Variants in SLC2A13 observed in about 807,000 individuals in gnomAD.
SLC2A13 encodes the protein proton myo-inositol cotransporter.
Under a neutral mutation model 64.4 loss-of-function variants are expected in SLC2A13, and 32 were observed. The observed-to-expected ratio is 0.50, with a 90% CI of 0.37 to 0.67. SLC2A13 has a LOEUF of 0.67. Among genes scored for constraint, SLC2A13 ranks in the 30% least tolerant of loss-of-function variants. The probability of loss-of-function intolerance (pLI) is 0.00; values close to 1 mark genes in which losing one functional copy is unlikely to be tolerated. For missense variants in SLC2A13, 743 were observed against 829.2 expected, an observed-to-expected ratio of 0.90 and a Z score of 1.28; for synonymous variants, 338 against 327.1, an observed-to-expected ratio of 1.03 and a Z score of -0.36.
intron 6 of SLC2A13, among the ~76,000 whole-genome samples, 180 bp downstream of exon 6, chr12:39,864,582 G>A (rs539275578): frequency 2.0e-5 from 3 of 152,180 alleles, no homozygotes; most frequent in Admixed American, 6.5e-5. Flanking sequence ...TCACACATCT[G>A]CACAAGCTAT....
intron 4 of SLC2A13, among the ~76,000 whole-genome samples, chr12:39,944,648 A>G (rs1286814068): frequency 2.0e-5 from 3 of 152,222 alleles, no homozygotes; most frequent in African/African-American, 7.2e-5. Context: ...TTTGTCTGAT[A>G]TAAGAATAGC....
At chr12:39,907,762 A>T (rs1396360843) in intron 4 of SLC2A13, 1 of 152,190 alleles carries the variant, frequency 6.6e-6, no homozygotes, top group Non-Finnish European at 1.5e-5. Context: ...TGGATTGGAC[A>T]CATGTCTTGG....
intron 4 of SLC2A13, among the ~76,000 whole-genome samples, chr12:39,929,709 G>C (rs533950527): frequency 3.9e-5 from 6 of 152,316 alleles, no homozygotes; most frequent in Non-Finnish European, 7.4e-5. Flanking sequence ...AAGAAGAGCA[G>C]AATCACAGGA....
chr12:40,099,367 T>C (rs1482348122), intron 1 of SLC2A13, among the ~76,000 whole-genome samples: 1 of 152,236 alleles, frequency 6.6e-6, no homozygotes, highest in Non-Finnish European at 1.5e-5. Flanking sequence ...AGGAGCCAAG[T>C]ACAATATGAG....
intron 1 of SLC2A13, among the ~76,000 whole-genome samples, chr12:40,100,597 A>T (rs1939111007): frequency 6.6e-6 from 1 of 152,148 alleles, no homozygotes; most frequent in African/African-American, 2.4e-5. Context: ...ACACTTCAAA[A>T]CCTTGATTAT....
chr12:39,999,474 T>G (rs1947288433), intron 3 of SLC2A13, among the ~76,000 whole-genome samples: 2 of 152,096 alleles, frequency 1.3e-5, no homozygotes, highest in South Asian at 4.2e-4. Flanking sequence ...GGAGTGTCTG[T>G]CTTATGCAGT....
intron 3 of SLC2A13, among the ~76,000 whole-genome samples, chr12:39,977,440 C>G (rs1946783880): frequency 6.6e-6 from 1 of 152,192 alleles, no homozygotes; most frequent in Non-Finnish European, 1.5e-5. Context: ...TTCACTTTCT[C>G]AAGAAGGAAA....
At chr12:40,080,529 T>G (rs892526159) in intron 1 of SLC2A13, among the ~76,000 whole-genome samples, 6 of 152,186 alleles carry the variant, frequency 3.9e-5, no homozygotes, top group African/African-American at 1.4e-4. Context: ...TAGCTGGGAT[T>G]ACAGGCATGT....
chr12:39,963,758 G>A (rs1041582194), intron 3 of SLC2A13, among the ~76,000 whole-genome samples: 1 of 152,160 alleles, frequency 6.6e-6, no homozygotes, highest in Non-Finnish European at 1.5e-5. Context: ...AGATATTTAA[G>A]TTTTATATGG....
At chr12:40,056,572 T>C (rs1056108690) in intron 1 of SLC2A13, among the ~76,000 whole-genome samples, 1 of 152,198 alleles carries the variant, frequency 6.6e-6, no homozygotes, top group Non-Finnish European at 1.5e-5. Flanking sequence ...TGGTGTTTTG[T>C]CATATTTAAC....
chr12:39,853,183 G>T (rs1008038094), intron 6 of SLC2A13, among the ~76,000 whole-genome samples: 1 of 152,060 alleles, frequency 6.6e-6, no homozygotes, highest in Non-Finnish European at 1.5e-5. Flanking sequence ...ACAAAGAATG[G>T]TGTTGACTTG....
chr12:40,039,751 A>G (rs1454571796), intron 2 of SLC2A13, among the ~76,000 whole-genome samples: 2 of 152,190 alleles, frequency 1.3e-5, no homozygotes, highest in Admixed American at 6.5e-5. Context: ...TAGCCTCCCC[A>G]ATTATCAACA....
intron 6 of SLC2A13, among the ~76,000 whole-genome samples, chr12:39,853,691 C>A (rs972855397): frequency 6.6e-6 from 1 of 151,124 alleles, no homozygotes; most frequent in African/African-American, 2.4e-5. Flanking sequence ...ATCAAGCTAT[C>A]TTCCACTTTG....
intron 3 of SLC2A13, among the ~76,000 whole-genome samples, chr12:40,005,374 G>C (rs28370825): frequency 6.6e-6 from 1 of 152,136 alleles, no homozygotes; most frequent in East Asian, 1.9e-4. Context: ...CAGGCATCTG[G>C]AGGCTCCTAG....
chr12:39,940,314 T>C (rs573731380), intron 4 of SLC2A13, among the ~76,000 whole-genome samples: 1 of 151,268 alleles, frequency 6.6e-6, no homozygotes, highest in South Asian at 2.1e-4. Context: ...CAAACCCTTA[T>C]TGTTTTATTT....
At chr12:39,945,047 G>A (rs1224239520) in intron 4 of SLC2A13, among the ~76,000 whole-genome samples, 1 of 152,126 alleles carries the variant, frequency 6.6e-6, no homozygotes, top group African/African-American at 2.4e-5. Flanking sequence ...TCTTGTAGTG[G>A]TGGTTTGGTA....
At chr12:40,065,907 A>T (rs944808059) in intron 1 of SLC2A13, among the ~76,000 whole-genome samples, 44 of 152,224 alleles carry the variant, frequency 2.9e-4, no homozygotes, top group Non-Finnish European at 2.8e-4. Flanking sequence ...TAACATCACA[A>T]GTGTGACAAA....
At chr12:39,872,055 T>C in intron 4 of SLC2A13, 94 bp from the exon 5 acceptor site, 1 of 1,095,304 alleles carries the variant, frequency 9.1e-7, no homozygotes, top group Non-Finnish European at 1.2e-6. Flanking sequence ...TTGAAAAAAA[T>C]ATAAGGAGAA....
Position 40,105,239 on chromosome 12 carries a change from G to C in SLC2A13, c.556+14C>G. Reference sequence around the variant, plus strand: ...AATGGGATCCCGGGCGCCCTTCACGGAGCCCGAACTCACCGATGCCGAGTC... The same window carrying C: ...AATGGGATCCCGGGCGCCCTTCACGCAGCCCGAACTCACCGATGCCGAGTC... On this transcript the variant is annotated intron_variant, in intron 1 of 9. Transcript: ENST00000280871. The surrounding 1 kb of genome is among the most constrained non-coding windows in gnomAD (Gnocchi z 4.2). 6.4e-7 allele frequency: 1 copy of C among 1,568,944 alleles called. No homozygotes were observed. The highest frequency in any genetic ancestry group is 1.4e-5 in the African/African-American group (1 of 72,868).
Sources: gnomAD v4.1 joint callset for allele counts (sites outside exome capture counted in the v4.1 genomes callset) on GRCh38, gnomAD v4.1.1 for gene constraint, Gnocchi (gnomAD v3.1) non-coding constraint, MANE v1.5 for transcripts, NCBI Gene and HGNC (gene_info 2026-07-23, HGNC 2026-07-21) for gene names.